ITGA8: variants seen among roughly 807,000 people sequenced by gnomAD.
ITGA8 encodes integrin subunit alpha 8, also known as integrin alpha-8.
ITGA8 carries 91 observed loss-of-function variants against 142.3 expected under a neutral mutation model. The ratio of observed to expected loss-of-function variants is 0.64; its 90% CI spans 0.54 to 0.76. The LOEUF (loss-of-function observed/expected upper bound fraction) is 0.76, where lower values mean the gene tolerates loss of function less well. ITGA8 is among the 30% of genes least tolerant of loss of function. ITGA8 has a pLI of 0.00. For synonymous variants in ITGA8, 505 were observed against 485.2 expected (o/e 1.04, Z -0.54); for missense variants, 1,406 against 1,327.7 (o/e 1.06, Z -0.92).
At chr10:15,557,406 A>C (rs752162774) in intron 26 of ITGA8, among the ~76,000 whole-genome samples, 43 of 152,214 alleles carry the variant, frequency 2.8e-4, no homozygotes, top group Non-Finnish European at 8.8e-5. Context: ...GTGCTGACTC[A>C]TGAACACTGA....
chr10:15,672,681 G>A lies in ITGA8; in HGVS notation c.745C>T (p.Leu249=), dbSNP rs772210661. Reference sequence around the variant, plus strand: ...ACTTCCGTCTGCTTTTCTCCTGCCAGTTTCCTGAGGATATCCTTGAATGAG... The same window carrying A: ...ACTTCCGTCTGCTTTTCTCCTGCCAATTTCCTGAGGATATCCTTGAATGAG... ...NYSFKDILRK[L]AGEKQTEVAP... Residue 249 remains leucine (L), a synonymous_variant, in exon 7 of 30, where the codon CTG becomes TTG. Coordinates refer to ENST00000378076, the MANE Select transcript of ITGA8 (RefSeq NM_003638.3). The A allele has an allele frequency of 6.2e-7, 1 of 1,613,880 alleles. No homozygotes were observed. The highest frequency in any genetic ancestry group is 2.2e-5 in the East Asian group (1 of 44,838).
intron 27 of ITGA8, among the ~76,000 whole-genome samples, chr10:15,545,015 C>A (rs989477089): frequency 6.6e-6 from 1 of 152,248 alleles, no homozygotes; most frequent in South Asian, 2.1e-4. Context: ...TCAGCTGTAA[C>A]CTCAGGAGAG....
chr10:15,534,081 A>ATT (rs143060221), intron 27 of ITGA8, among the ~76,000 whole-genome samples: 2 of 151,254 alleles, frequency 1.3e-5, no homozygotes, highest in African/African-American at 4.9e-5. Flanking sequence ...TAATTTTTGT[A>ATT]TTTTTTTTAG....
chr10:15,669,668 T>C (rs1414028716), intron 8 of ITGA8, among the ~76,000 whole-genome samples: 1 of 152,228 alleles, frequency 6.6e-6, no homozygotes, highest in East Asian at 1.9e-4. Context: ...TCTTTGATGA[T>C]GGTGACGTAC....
Position 15,607,776 on chromosome 10 carries a change from C to G in ITGA8, c.1665G>C (p.Arg555=), listed in dbSNP as rs778264888. The change falls in exon 17 of 30, where the codon CGG becomes CGC. Residue 555 remains arginine, a synonymous_variant. Coordinates refer to ENST00000378076, the MANE Select transcript of ITGA8 (RefSeq NM_003638.3). ...DSLKQKGAIK[R]TLFLDNHQAH... is the part of the protein sequence containing the mutation. ...CCTGATGGTTATCAAGGAAGAGCGT[C>G]CGTTTAATAGCTCCTTTCTGTTTCA... The G allele has an allele frequency of 6.2e-7, 1 of 1,613,524 alleles. No individual in the cohort carries two copies. Among genetic ancestry groups the G allele is most frequent in the Middle Eastern group, 1.6e-4 (1 of 6,062 alleles).
At chr10:15,549,530 C>G (rs1833755326) in intron 26 of ITGA8, among the ~76,000 whole-genome samples, 1 of 152,164 alleles carries the variant, frequency 6.6e-6, no homozygotes, top group African/African-American at 2.4e-5. Context: ...ATTTTCTAAT[C>G]AGATTCCAGC....
intron 13 of ITGA8, among the ~76,000 whole-genome samples, chr10:15,625,006 C>T (rs912112738): frequency 1.3e-5 from 2 of 151,994 alleles, no homozygotes; most frequent in African/African-American, 4.8e-5. Context: ...ATAGAAGTTG[C>T]CTGTCTGCCT....
At chr10:15,537,788 A>G (rs1280905584) in intron 27 of ITGA8, among the ~76,000 whole-genome samples, 1 of 152,090 alleles carries the variant, frequency 6.6e-6, no homozygotes, top group African/African-American at 2.4e-5. Flanking sequence ...AGACTTGGGA[A>G]TTCGTTAAGG....
intron 20 of ITGA8, among the ~76,000 whole-genome samples, chr10:15,599,024 A>C (rs1325484911): frequency 6.6e-6 from 1 of 152,116 alleles, no homozygotes; most frequent in Admixed American, 6.5e-5. Context: ...ACCCAGAAAA[A>C]TCTTCCGTAA....
At chr10:15,538,378 G>A (rs1488644050) in intron 27 of ITGA8, among the ~76,000 whole-genome samples, 1 of 152,010 alleles carries the variant, frequency 6.6e-6, no homozygotes, top group Non-Finnish European at 1.5e-5. Context: ...TGGGCATGAT[G>A]GCGGGTGCCT....
chr10:15,607,586 A>C lies in ITGA8; in HGVS notation c.1764+91T>G, dbSNP rs1833217683. On this transcript the variant is annotated intron_variant, in intron 17 of 29. Coordinates refer to ENST00000378076, the MANE Select transcript of ITGA8 (RefSeq NM_003638.3). ...AATGAAAACAGACAGATGGGGGTCT[A>C]TGCAGACAAACATGATGGTTAAATG... The C allele has an allele frequency of 3.3e-6, 4 of 1,214,752 alleles. No homozygotes were observed. In the South Asian group the frequency reaches 5.0e-5, roughly 15 times the overall value. 75.2% of individuals were successfully genotyped at this position (1,214,752 alleles called of 1,614,324 possible). A position where few individuals can be genotyped will look rare whatever the true frequency, so the allele number is the denominator to read the frequency against.
rs76695368 is a variant in ITGA8, at chr10:15,577,610, A to G, written c.2373-2016T>C. 3.9e-3 allele frequency among the ~76,000 whole-genome samples: 588 copies of G among 152,304 alleles called. 5 individuals are homozygous for G. The highest frequency in any genetic ancestry group is 0.014 in the African/African-American group (567 of 41,574). Reference sequence around the variant, plus strand: ...CATGGCTCACAAAATTCAGTTATTTACCCACCGAAGACTACTTCAAATCCA... The same window carrying G: ...CATGGCTCACAAAATTCAGTTATTTGCCCACCGAAGACTACTTCAAATCCA... On this transcript the variant is annotated intron_variant, in intron 23 of 29. Coordinates refer to ENST00000378076, the MANE Select transcript of ITGA8 (RefSeq NM_003638.3).
At chr10:15,692,976 G>A (rs1834962712) in intron 2 of ITGA8, among the ~76,000 whole-genome samples, 1 of 152,174 alleles carries the variant, frequency 6.6e-6, no homozygotes, top group Non-Finnish European at 1.5e-5. Flanking sequence ...TTTGAGACAT[G>A]AGAATTAGTT....
At position 15,608,402 on chromosome 10, in the gene ITGA8, TACACACAC is replaced by T. The variant is rs3041592; in HGVS notation, c.1554-120_1554-113del. 1.1e-3 allele frequency: 562 copies of T among 500,442 alleles called. 7 individuals are homozygous for T. Among genetic ancestry groups the T allele is most frequent in the African/African-American group, 0.011 (532 of 48,800 alleles). The allele number at this position is 500,442 out of a possible 1,614,324, so 31.0% of individuals were successfully genotyped here. On this transcript the variant is annotated intron_variant, in intron 15 of 29. Coordinates refer to ENST00000378076, the MANE Select transcript of ITGA8 (RefSeq NM_003638.3). Reference sequence around the variant, plus strand: ...ATCATTTTCTCTATATATTTCTAATTACACACACACACACACACACACCCACACACACA... The same window carrying T: ...ATCATTTTCTCTATATATTTCTAATTACACACACACACACCCACACACACA...
At position 15,603,564 on chromosome 10, in the gene ITGA8, A is replaced by G. The variant is rs561863570; in HGVS notation, c.2118+644T>C. ...TAGACCAAGTGATTAAGGACACTGC[A>G]GAACTGGAGGATGCTTTGAATGGGA... On this transcript the variant is annotated intron_variant, in intron 20 of 29. Coordinates refer to ENST00000378076, the MANE Select transcript of ITGA8 (RefSeq NM_003638.3). 1.8e-4 allele frequency among the ~76,000 whole-genome samples: 28 copies of G among 152,346 alleles called. No individual in the cohort carries two copies. The South Asian group carries it at 5.4e-3, about 29-fold the overall frequency.
intron 2 of ITGA8, among the ~76,000 whole-genome samples, chr10:15,698,144 G>C (rs1001117741): frequency 1.3e-5 from 2 of 152,100 alleles, no homozygotes; most frequent in African/African-American, 4.8e-5. Context: ...CCACTTATCA[G>C]TGAGAACATA....
At chr10:15,582,906 G>T (rs938926606) in intron 23 of ITGA8, among the ~76,000 whole-genome samples, 2 of 152,162 alleles carry the variant, frequency 1.3e-5, no homozygotes, top group Admixed American at 1.3e-4. Context: ...CATACAACTC[G>T]GTAATTCCAT....
rs570337150 is a variant in ITGA8 at position 15,604,335 on chromosome 10, A to G, written c.1991T>C (p.Ile664Thr). Residue 664 changes from isoleucine to threonine, a missense_variant, in exon 20 of 30, where the codon ATT becomes ACT. Physicochemically the swap from Ile to Thr is moderately conservative, Grantham distance 89. Coordinates refer to ENST00000378076, the MANE Select transcript of ITGA8 (RefSeq NM_003638.3). The part of the protein sequence containing the change: ...SARPDKHQVI[I>T]GDENHLMLII... ...GAGCATAAGGTGATTTTCATCTCCAATGATTACCTGATGCTTATCTCTAAA... is the reference window on the plus strand; with the variant it reads ...GAGCATAAGGTGATTTTCATCTCCAGTGATTACCTGATGCTTATCTCTAAA... The G allele has an allele frequency of 1.7e-5, 28 of 1,611,692 alleles. No homozygotes were observed. In the Middle Eastern group the frequency reaches 6.6e-4, roughly 38 times the overall value.
At chr10:15,658,805 C>A (rs964100744) in intron 10 of ITGA8, among the ~76,000 whole-genome samples, 194 bp downstream of exon 10, 3 of 152,168 alleles carry the variant, frequency 2.0e-5, no homozygotes, top group African/African-American at 7.2e-5. Flanking sequence ...TCCCCTGCCA[C>A]CTCACTGCTG....
Sources: allele counts gnomAD v4.1 joint callset (sites outside exome capture counted in the v4.1 genomes callset), GRCh38; gene constraint gnomAD v4.1.1; transcripts MANE v1.5; gene names NCBI Gene and HGNC (gene_info 2026-07-23, HGNC 2026-07-21).